PTPRK: variants seen among roughly 807,000 people sequenced by gnomAD.
PTPRK encodes receptor-type tyrosine-protein phosphatase kappa.
A neutral mutation model predicts 178.0 loss-of-function variants in PTPRK; 75 were observed. The observed-to-expected ratio is 0.42, with a 90% CI of 0.35 to 0.51. PTPRK has a LOEUF of 0.51. PTPRK is among the 20% of genes least tolerant of loss of function. PTPRK has a pLI of 0.02. For missense variants in PTPRK, 1,441 were observed against 1,797.8 expected, an observed-to-expected ratio of 0.80 and a Z score of 3.59; for synonymous variants, 637 against 620.6, an observed-to-expected ratio of 1.03 and a Z score of -0.39.
At chr6:128,213,035 C>T (rs1042418174) in intron 6 of PTPRK, among the ~76,000 whole-genome samples, 4 of 151,804 alleles carry the variant, frequency 2.6e-5, no homozygotes, top group Admixed American at 2.6e-4. Context: ...GATTTAAAAG[C>T]CATAATTTTT....
intron 21 of PTPRK, among the ~76,000 whole-genome samples, chr6:127,986,739 T>G (rs2114646734): frequency 6.6e-6 from 1 of 152,310 alleles, no homozygotes; most frequent in East Asian, 1.9e-4. Context: ...ATCTGTGAAC[T>G]ATCAATCTCA....
At chr6:128,152,255 G>A (rs1797358168) in intron 7 of PTPRK, among the ~76,000 whole-genome samples, 1 of 152,000 alleles carries the variant, frequency 6.6e-6, no homozygotes, top group Non-Finnish European at 1.5e-5. Flanking sequence ...TTTAAAGAAT[G>A]GGACGTCGTC....
intron 29 of PTPRK, 96 bp downstream of exon 29, chr6:127,972,926 C>T: frequency 7.9e-7 from 1 of 1,267,488 alleles, no homozygotes; most frequent in South Asian, 1.4e-5. Context: ...ATTTTCACAT[C>T]TGATTCCCTA....
chr6:128,309,008 C>G (rs1029753634), intron 3 of PTPRK, among the ~76,000 whole-genome samples: 8 of 152,100 alleles, frequency 5.3e-5, no homozygotes, highest in African/African-American at 1.9e-4. Context: ...ATATTATAAT[C>G]TTGGGCACTA....
chr6:128,184,564 T>C lies in PTPRK; in HGVS notation c.1030A>G (p.Asn344Asp). 3 of 1,614,018 alleles carry C rather than the reference T, an allele frequency of 1.9e-6. No individual in the cohort carries two copies. The South Asian group carries it at 3.3e-5, about 18-fold the overall frequency. Residue 344 changes from asparagine (N) to aspartate (D), a missense_variant, in exon 7 of 30, where the codon AAT (asparagine) becomes GAT (aspartate). Physicochemically the swap from Asn to Asp is conservative, Grantham distance 23. This residue lies in a region of PTPRK where 945 missense variants were observed against 1,080.6 expected (regional missense o/e 0.87). Transcript: ENST00000368226. ...TGCCATAATTTGTAAGTTGGAGCAT[T>C]GACTGCATGGGTTTCTGTCCAGGAT... Reference protein sequence around the residue: ...SGSWTETHAVNAPTYKLWHLD... With the variant: ...SGSWTETHAVDAPTYKLWHLD...
chr6:128,242,374 G>A (rs1445359101), intron 4 of PTPRK, 147 bp downstream of exon 4: 3 of 1,049,576 alleles, frequency 2.9e-6, no homozygotes, highest in African/African-American at 1.7e-5. Flanking sequence ...AAAGATATCA[G>A]TTTCCTTTTA....
chr6:128,191,086 A>G (rs1803712475), intron 6 of PTPRK, among the ~76,000 whole-genome samples: 1 of 152,236 alleles, frequency 6.6e-6, no homozygotes, highest in African/African-American at 2.4e-5. Context: ...GAACCATGAA[A>G]TAAGCACACA....
At chr6:128,406,133 C>T (rs897221633) in intron 1 of PTPRK, among the ~76,000 whole-genome samples, 3 of 151,850 alleles carry the variant, frequency 2.0e-5, no homozygotes, top group Admixed American at 1.3e-4. Context: ...CATGGTGGAA[C>T]GTGACTATAG....
intron 2 of PTPRK, among the ~76,000 whole-genome samples, chr6:128,331,794 AG>A (rs1830314948): frequency 1.3e-5 from 2 of 152,090 alleles, no homozygotes; most frequent in South Asian, 4.1e-4. Context: ...GCATCTTTGC[AG>A]GAGTCTACTT....
At chr6:127,982,796 T>G in intron 24 of PTPRK, 35 bp downstream of exon 24, 1 of 1,569,202 alleles carries the variant, frequency 6.4e-7, no homozygotes, top group South Asian at 1.2e-5. Context: ...CAAATTGTAG[T>G]AAGTCACAAA....
chr6:128,407,034 A>T (rs571136691), intron 1 of PTPRK, among the ~76,000 whole-genome samples: 9 of 152,352 alleles, frequency 5.9e-5, no homozygotes, highest in African/African-American at 2.2e-4. Flanking sequence ...CAAAGAAACT[A>T]TTTGGACTCC....
intron 11 of PTPRK, among the ~76,000 whole-genome samples, chr6:128,070,192 A>C (rs975187822): frequency 1.3e-5 from 2 of 152,062 alleles, no homozygotes; most frequent in Non-Finnish European, 2.9e-5. Context: ...GAAATGAAGT[A>C]TTATATTTCT....
At chr6:128,173,101 C>T (rs1454058561) in intron 7 of PTPRK, among the ~76,000 whole-genome samples, 1 of 151,980 alleles carries the variant, frequency 6.6e-6, no homozygotes, top group Non-Finnish European at 1.5e-5. Flanking sequence ...TAAAAACCAA[C>T]AGTAAACTAC....
At position 128,274,708 on chromosome 6, in the gene PTPRK, A is replaced by G. The variant is rs1467004345; in HGVS notation, c.496-32106T>C. 3.3e-5 allele frequency among the ~76,000 whole-genome samples: 5 copies of G among 152,086 alleles called. No homozygotes were observed. In the South Asian group the frequency reaches 6.2e-4, roughly 19 times the overall value. ...GGTTTAGAAATGCCTCCAAAAAGTG[A>G]CAAGTATGTTGTCTCAATATTTAAT... On this transcript the variant is annotated intron_variant, in intron 3 of 29. Coordinates refer to ENST00000368226, the MANE Select transcript of PTPRK (RefSeq NM_002844.4).
intron 13 of PTPRK, 126 bp from the exon 14 acceptor site, chr6:128,009,394 A>G (rs1035824956): frequency 1.2e-6 from 1 of 818,294 alleles, no homozygotes. Flanking sequence ...TAATCCCACA[A>G]TGTAAATACA....
intron 1 of PTPRK, among the ~76,000 whole-genome samples, chr6:128,497,538 A>G (rs1490533922): frequency 6.6e-6 from 1 of 152,162 alleles, no homozygotes; most frequent in Non-Finnish European, 1.5e-5. Flanking sequence ...GTAAATAGAA[A>G]ATGTCAAATT....
chr6:128,296,559 G>T (rs1323284677), intron 3 of PTPRK, among the ~76,000 whole-genome samples: 1 of 152,078 alleles, frequency 6.6e-6, no homozygotes, highest in Non-Finnish European at 1.5e-5. Flanking sequence ...AAGAGAGTGG[G>T]GGCCAATATT....
intron 13 of PTPRK, among the ~76,000 whole-genome samples, chr6:128,058,596 T>C (rs912147669): frequency 6.6e-6 from 1 of 152,128 alleles, no homozygotes; most frequent in Non-Finnish European, 1.5e-5. Context: ...GTAAATTCTA[T>C]TTTACTCTCA....
chr6:128,475,721 T>C (rs1044686946), intron 1 of PTPRK, among the ~76,000 whole-genome samples: 1 of 151,990 alleles, frequency 6.6e-6, no homozygotes, highest in African/African-American at 2.4e-5. Flanking sequence ...GGCATCACTG[T>C]GGGTTATGGT....
Sources: allele counts gnomAD v4.1 joint callset (sites outside exome capture counted in the v4.1 genomes callset), GRCh38; gene constraint gnomAD v4.1.1; regional missense constraint gnomAD v4.1.1; transcripts MANE v1.5; gene names NCBI Gene and HGNC (gene_info 2026-07-23, HGNC 2026-07-21).